The following STXBP5 variants were observed in gnomAD, a reference collection of about 807,000 sequenced individuals.
STXBP5 encodes syntaxin-binding protein 5.
A neutral mutation model predicts 152.4 loss-of-function variants in STXBP5; 50 were observed. The observed-to-expected ratio is 0.33, with a 90% CI of 0.26 to 0.42. The LOEUF (loss-of-function observed/expected upper bound fraction) is 0.42. STXBP5 is among the 10% of genes least tolerant of loss of function. STXBP5 has a pLI of 1.00. For synonymous variants in STXBP5, 492 were observed against 494.7 expected (o/e 0.99, Z 0.07); for missense variants, 1,167 against 1,388.6 (o/e 0.84, Z 2.54).
chr6:147,218,099 A>G (rs1206533191), intron 2 of STXBP5, among the ~76,000 whole-genome samples: 1 of 152,208 alleles, frequency 6.6e-6, no homozygotes, highest in Non-Finnish European at 1.5e-5. Context: ...TGGAAGGTAC[A>G]GAGATATTAT....
chr6:147,311,872 A>G (rs1258215080), intron 11 of STXBP5, among the ~76,000 whole-genome samples: 3 of 152,026 alleles, frequency 2.0e-5, no homozygotes, highest in Admixed American at 1.3e-4. Flanking sequence ...TTCTACGTCT[A>G]CTCACTCTCA....
At chr6:147,225,983 A>G (rs1341773039) in intron 2 of STXBP5, among the ~76,000 whole-genome samples, 2 of 152,220 alleles carry the variant, frequency 1.3e-5, no homozygotes, top group East Asian at 1.9e-4. Flanking sequence ...TATACTTTTT[A>G]TTGGTTTTCC....
At chr6:147,378,034 G>C (rs1785897664) in intron 26 of STXBP5, among the ~76,000 whole-genome samples, 1 of 152,076 alleles carries the variant, frequency 6.6e-6, no homozygotes, top group Admixed American at 6.6e-5. Context: ...TCGACAAAAA[G>C]CTAAAAATTC....
intron 3 of STXBP5, among the ~76,000 whole-genome samples, chr6:147,237,584 T>C (rs9497727): frequency 0.017 from 2,564 of 152,324 alleles, 61 homozygotes; most frequent in African/African-American, 0.057. Context: ...GTTTCTCTAC[T>C]TCAAAGTGAT....
intron 2 of STXBP5, among the ~76,000 whole-genome samples, chr6:147,224,754 G>A (rs147673809): frequency 0.017 from 2,663 of 152,192 alleles, 22 homozygotes; most frequent in Middle Eastern, 0.034. Flanking sequence ...TTCTGATGAT[G>A]CTCAATTTTT....
chr6:147,320,815 C>T (rs1171433308), intron 16 of STXBP5, among the ~76,000 whole-genome samples: 3 of 151,920 alleles, frequency 2.0e-5, no homozygotes, highest in Non-Finnish European at 4.4e-5. Flanking sequence ...TCTATTGATA[C>T]AGTTATGGTT....
At chr6:147,234,081 C>A (rs941150588) in intron 2 of STXBP5, among the ~76,000 whole-genome samples, 1 of 151,470 alleles carries the variant, frequency 6.6e-6, no homozygotes, top group African/African-American at 2.4e-5. Flanking sequence ...AGAATTAAAC[C>A]TATGGCACAA....
chr6:147,233,557 A>G (rs1778117513), intron 2 of STXBP5, among the ~76,000 whole-genome samples: 1 of 151,770 alleles, frequency 6.6e-6, no homozygotes, highest in Non-Finnish European at 1.5e-5. Flanking sequence ...ATCTGGTCTC[A>G]GAAGAGAGGT....
intron 2 of STXBP5, among the ~76,000 whole-genome samples, chr6:147,234,456 A>G (rs980924733): frequency 2.6e-5 from 4 of 151,598 alleles, no homozygotes; most frequent in Admixed American, 1.3e-4. Context: ...TTTATATTCT[A>G]TTTTCGCTAC....
At chr6:147,209,698 G>T (rs1415788665) in intron 2 of STXBP5, among the ~76,000 whole-genome samples, 1 of 152,096 alleles carries the variant, frequency 6.6e-6, no homozygotes, top group Non-Finnish European at 1.5e-5. Flanking sequence ...AGAATTATTT[G>T]GGGCTCTACT....
chr6:147,281,247 A>T (rs1184017874), intron 8 of STXBP5, among the ~76,000 whole-genome samples: 1 of 152,056 alleles, frequency 6.6e-6, no homozygotes, highest in East Asian at 1.9e-4. Flanking sequence ...TAGTAGAGAC[A>T]GGGTTTCACC....
At chr6:147,332,163 T>A (rs1171717361) in intron 18 of STXBP5, among the ~76,000 whole-genome samples, 1 of 152,190 alleles carries the variant, frequency 6.6e-6, no homozygotes, top group East Asian at 1.9e-4. Context: ...TTAAGTTACA[T>A]GCTATGAAAT....
At chr6:147,317,837 T>C (rs1461045123) in intron 16 of STXBP5, among the ~76,000 whole-genome samples, 2 of 152,206 alleles carry the variant, frequency 1.3e-5, no homozygotes, top group Non-Finnish European at 2.9e-5. Context: ...TACTTAAAAT[T>C]GTAAATGTTC....
At chr6:147,304,731 C>T (rs1285802736) in intron 9 of STXBP5, among the ~76,000 whole-genome samples, 1 of 152,158 alleles carries the variant, frequency 6.6e-6, no homozygotes, top group Non-Finnish European at 1.5e-5. Flanking sequence ...TGGGAACCCA[C>T]CTCTTGCATC....
chr6:147,294,411 G>A (rs1781417743), intron 9 of STXBP5, among the ~76,000 whole-genome samples: 2 of 151,990 alleles, frequency 1.3e-5, no homozygotes, highest in African/African-American at 4.8e-5. Context: ...AATATATAAA[G>A]CACTTGTAAC....
chr6:147,381,103 C>T (rs879575932), intron 26 of STXBP5, among the ~76,000 whole-genome samples: 7 of 152,190 alleles, frequency 4.6e-5, no homozygotes, highest in Admixed American at 4.6e-4. Context: ...GAGAACAGCA[C>T]AGGAAACCCT....
intron 4 of STXBP5, among the ~76,000 whole-genome samples, chr6:147,253,542 T>A (rs564563343): frequency 6.6e-6 from 1 of 152,256 alleles, no homozygotes; most frequent in African/African-American, 2.4e-5. Flanking sequence ...TGATTCTATA[T>A]TTAGAAAACC....
intron 9 of STXBP5, among the ~76,000 whole-genome samples, chr6:147,295,074 C>T (rs1240443131): frequency 9.2e-5 from 14 of 152,106 alleles, no homozygotes; most frequent in Non-Finnish European, 1.9e-4. Flanking sequence ...ACAATAATTC[C>T]CACTTTACAA....
At chr6:147,349,852 A>T (rs1199094785) in intron 21 of STXBP5, among the ~76,000 whole-genome samples, 1 of 152,184 alleles carries the variant, frequency 6.6e-6, no homozygotes, top group Admixed American at 6.5e-5. Context: ...TTAACTCTGT[A>T]TTTTTAAATA....
Sources: allele counts gnomAD v4.1 joint callset (sites outside exome capture counted in the v4.1 genomes callset), GRCh38; gene constraint gnomAD v4.1.1; transcripts MANE v1.5; gene names NCBI Gene and HGNC (gene_info 2026-07-23, HGNC 2026-07-21).